Variants in DHRS7B observed in about 807,000 individuals in gnomAD.
The protein encoded by DHRS7B is peroxisomal reductase activating PPAR-gamma.
A neutral mutation model predicts 26.4 loss-of-function variants in DHRS7B; 24 were observed. That is an observed-to-expected ratio of 0.91 (90% CI 0.66 to 1.28). The LOEUF (loss-of-function observed/expected upper bound fraction) is 1.28. DHRS7B is among the 50% of genes most tolerant of loss of function. The pLI, the probability that DHRS7B is intolerant of heterozygous loss-of-function variation, is 0.00. For synonymous variants in DHRS7B, 142 were observed against 166.4 expected (o/e 0.85, Z 1.13); for missense variants, 368 against 419.4 (o/e 0.88, Z 1.07).
At chr17:21,152,869 A>G (rs1347254154) in intron 1 of DHRS7B, among the ~76,000 whole-genome samples, 1 of 152,206 alleles carries the variant, frequency 6.6e-6, no homozygotes, top group Non-Finnish European at 1.5e-5. Flanking sequence ...TATAGTTCAC[A>G]GGCTCACCAA....
At position 21,190,982 on chromosome 17, in the gene DHRS7B, T is replaced by G; in HGVS notation, c.807T>G (p.Pro269=). The change falls in exon 7 of 7, where the codon CCT becomes CCG. Residue 269 remains proline (P), a synonymous_variant. Transcript: ENST00000395511. The part of the protein sequence containing the change: ...MDTTTAQGRS[P]VEVAQDVLAA... Reference sequence around the variant, plus strand: ...CCACCACAGCCCAGGGCCGAAGCCCTGTGGAGGTGGCCCAGGATGTTCTTG... The same window carrying G: ...CCACCACAGCCCAGGGCCGAAGCCCGGTGGAGGTGGCCCAGGATGTTCTTG... 6.2e-7 allele frequency: 1 copy of G among 1,614,244 alleles called. No individual in the cohort carries two copies. Among genetic ancestry groups the G allele is most frequent in the Non-Finnish European group, 8.5e-7 (1 of 1,180,044 alleles).
chr17:21,164,031 T>TTTTTTTTTTTTTTC, intron 1 of DHRS7B, among the ~76,000 whole-genome samples: 1 of 31,302 alleles, frequency 3.2e-5, no homozygotes, highest in Non-Finnish European at 9.7e-5. Flanking sequence ...ATTGTTGTGC[T>TTTTTTTTTTTTTTC]TTTTTTTTTT....
intron 2 of DHRS7B, among the ~76,000 whole-genome samples, chr17:21,173,066 G>A (rs1418070600): frequency 1.3e-5 from 2 of 152,236 alleles, no homozygotes; most frequent in Admixed American, 1.3e-4. Flanking sequence ...TGATAGCTCA[G>A]CTGGAGCTGA....
chr17:21,141,726 C>A (rs921928240), intron 1 of DHRS7B, among the ~76,000 whole-genome samples: 3 of 146,634 alleles, frequency 2.0e-5, no homozygotes, highest in Non-Finnish European at 3.0e-5. Context: ...GTGCTGGAAG[C>A]AGGTAAAACT....
rs1481870397 is a variant in DHRS7B, at chr17:21,183,753, G to A, written c.469G>A (p.Asp157Asn). ...TGGTACCATCATGGACACCACAGTG[G>A]ATGTGGACAAGAGGGTCATGGAGAC... ...YRGTIMDTTVDVDKRVMETNY... is the reference protein window; with the variant it reads ...YRGTIMDTTVNVDKRVMETNY... Residue 157 changes from aspartate to asparagine, a missense_variant, in exon 4 of 7, where the codon GAT becomes AAT. Coordinates refer to ENST00000395511, the MANE Select transcript of DHRS7B (RefSeq NM_015510.5). 6.2e-7 allele frequency: 1 copy of A among 1,614,154 alleles called. No homozygotes were observed. The highest frequency in any genetic ancestry group is 1.3e-5 in the African/African-American group (1 of 74,946).
chr17:21,187,398 G>A (rs542505615), intron 5 of DHRS7B, among the ~76,000 whole-genome samples: 6 of 151,742 alleles, frequency 4.0e-5, no homozygotes, highest in South Asian at 4.1e-4. Context: ...GGCTGAGGTC[G>A]GTGCATCACG....
chr17:21,140,388 C>G (rs1973467929), intron 1 of DHRS7B, among the ~76,000 whole-genome samples: 1 of 151,416 alleles, frequency 6.6e-6, no homozygotes, highest in Non-Finnish European at 1.5e-5. Context: ...GTTAAAGGAA[C>G]CAACTCAGGT....
At chr17:21,148,408 A>G (rs1973687983) in intron 1 of DHRS7B, among the ~76,000 whole-genome samples, 1 of 152,166 alleles carries the variant, frequency 6.6e-6, no homozygotes, top group South Asian at 2.1e-4. Context: ...TTTCAGCAGC[A>G]GAATGGATCA....
At chr17:21,172,429 T>G in intron 2 of DHRS7B, 1 of 84,782 alleles carries the variant, frequency 1.2e-5, no homozygotes, top group South Asian at 4.2e-4. Flanking sequence ...AGAAGCAGCC[T>G]GGCCCCGGGG....
intron 3 of DHRS7B, among the ~76,000 whole-genome samples, chr17:21,182,970 C>T (rs897541024): frequency 2.0e-5 from 3 of 152,134 alleles, no homozygotes; most frequent in Non-Finnish European, 4.4e-5. Context: ...GGTGTTAATT[C>T]TCCTTTAAAT....
At chr17:21,148,607 G>A (rs577399696) in intron 1 of DHRS7B, among the ~76,000 whole-genome samples, 10 of 152,156 alleles carry the variant, frequency 6.6e-5, no homozygotes, top group Non-Finnish European at 1.5e-4. Flanking sequence ...TTAGCCGAGT[G>A]TGGTGGTGTG....
intron 1 of DHRS7B, among the ~76,000 whole-genome samples, chr17:21,136,065 G>A (rs1362484895): frequency 4.6e-5 from 7 of 152,068 alleles, no homozygotes; most frequent in Non-Finnish European, 7.4e-5. Context: ...TTGGGAGGCC[G>A]AGGTGGGTGG....
chr17:21,127,096 G>A (rs1251364002), intron 1 of DHRS7B, 105 bp downstream of exon 1: 4 of 1,259,198 alleles, frequency 3.2e-6, no homozygotes, highest in Non-Finnish European at 3.1e-6. Flanking sequence ...TAGTGGTCGA[G>A]CTAAGGCCGC....
chr17:21,134,595 A>AT (rs1451407925), intron 1 of DHRS7B, among the ~76,000 whole-genome samples: 2 of 152,200 alleles, frequency 1.3e-5, no homozygotes, highest in Non-Finnish European at 2.9e-5. Flanking sequence ...AAAGCACTCC[A>AT]TTCCAGTCAA....
At chr17:21,177,334 C>A (rs1390375305) in intron 2 of DHRS7B, among the ~76,000 whole-genome samples, 1 of 152,266 alleles carries the variant, frequency 6.6e-6, no homozygotes, top group Non-Finnish European at 1.5e-5. Context: ...AACTTCCCCA[C>A]AATCCCTCTG....
At position 21,178,295 on chromosome 17, in the gene DHRS7B, GC is replaced by G. The variant is rs558138265; in HGVS notation, c.265del (p.Leu89Ter). ...KLVLCGRNGG[A>X]LEELIRELTA... ...GGTGCTCTGTGGCCGGAATGGTGGG[GC>G]CCTAGAAGAGCTCATCAGAGAACTC... On this transcript the variant is annotated frameshift_variant, in exon 3 of 7. Transcript: ENST00000395511. LOFTEE classifies it high-confidence loss of function. 2,716 of 1,614,088 alleles carry G rather than the reference GC, an allele frequency of 1.7e-3. 3 individuals carry two copies. The highest frequency in any genetic ancestry group is 2.1e-3 in the Non-Finnish European group (2,457 of 1,180,044).
At position 21,149,643 on chromosome 17, in the gene DHRS7B, G is replaced by T. The variant is rs9896561; in HGVS notation, c.21-22375G>T. Among the ~76,000 whole-genome samples the T allele has an allele frequency of 3.9e-4, 60 of 151,900 alleles. No homozygotes were observed. In the East Asian group the frequency reaches 0.01, roughly 25 times the overall value. On this transcript the variant is annotated intron_variant, in intron 1 of 6. Coordinates refer to ENST00000395511, the MANE Select transcript of DHRS7B (RefSeq NM_015510.5). ...GGGACGAGGATAAAGTGTAGAGGGA[G>T]TTTTTTAAACATATTTTTCTTTGTT...
intron 1 of DHRS7B, among the ~76,000 whole-genome samples, chr17:21,135,742 T>C (rs1198938047): frequency 2.0e-5 from 3 of 152,232 alleles, no homozygotes; most frequent in Non-Finnish European, 4.4e-5. Context: ...ACCTAACTAA[T>C]CTGACACAGG....
chr17:21,171,677 G>C, intron 1 of DHRS7B: 1 of 409,640 alleles, frequency 2.4e-6, no homozygotes, highest in Non-Finnish European at 4.6e-6. Context: ...GCCAACACAG[G>C]TTTCCGAAGG....
Sources: allele counts gnomAD v4.1 joint callset (sites outside exome capture counted in the v4.1 genomes callset), GRCh38; gene constraint gnomAD v4.1.1; transcripts MANE v1.5; gene names NCBI Gene and HGNC (gene_info 2026-07-23, HGNC 2026-07-21).